Variants in HCN1 observed in about 807,000 individuals in gnomAD.
HCN1 encodes the protein hyperpolarization activated cyclic nucleotide gated potassium channel 1.
A neutral mutation model predicts 78.9 loss-of-function variants in HCN1; 13 were observed. That is an observed-to-expected ratio of 0.16 (90% CI 0.11 to 0.26). HCN1 has a LOEUF of 0.26. Ranked by LOEUF, HCN1 falls within the 10% of genes least tolerant of loss-of-function variation. The pLI is 1.00. For missense variants in HCN1, 810 were observed against 1,154.3 expected, an observed-to-expected ratio of 0.70 and a Z score of 4.32; for synonymous variants, 552 against 455.5, an observed-to-expected ratio of 1.21 and a Z score of -2.70.
At chr5:45,449,073 A>C (rs1740856158) in intron 3 of HCN1, among the ~76,000 whole-genome samples, 1 of 152,122 alleles carries the variant, frequency 6.6e-6, no homozygotes. Context: ...ACACCACTGC[A>C]CTCCAGCCTG....
At chr5:45,693,517 T>G (rs895402939) in intron 1 of HCN1, among the ~76,000 whole-genome samples, 3 of 152,166 alleles carry the variant, frequency 2.0e-5, no homozygotes, top group African/African-American at 4.8e-5. Context: ...AGCTCAGTTT[T>G]TAATCATTTC....
intron 6 of HCN1, among the ~76,000 whole-genome samples, chr5:45,267,990 A>G (rs981865097): frequency 2.6e-5 from 4 of 152,212 alleles, no homozygotes; most frequent in African/African-American, 2.4e-5. Flanking sequence ...GAATTCTGGA[A>G]GGCAGAAAGC....
At position 45,370,835 on chromosome 5, in the gene HCN1, C is replaced by G. The variant is rs937680285; in HGVS notation, c.1231-17589G>C. ...AAGATAAATATTTTTTATGTGCACA[C>G]ACTCTAAAAGAAGTAATGGCAGTAT... On this transcript the variant is annotated intron_variant, in intron 4 of 7. Coordinates refer to ENST00000303230, the MANE Select transcript of HCN1 (RefSeq NM_021072.4). 2.6e-5 allele frequency among the ~76,000 whole-genome samples: 4 copies of G among 152,040 alleles called. No homozygotes were observed. The South Asian group carries it at 6.2e-4, about 24-fold the overall frequency.
intron 6 of HCN1, among the ~76,000 whole-genome samples, chr5:45,295,168 C>T (rs780566823): frequency 3.9e-5 from 6 of 151,916 alleles, no homozygotes; most frequent in Middle Eastern, 3.2e-3. Flanking sequence ...CTCTTTATGC[C>T]CATTCACCAT....
At chr5:45,558,397 G>A (rs1403106127) in intron 2 of HCN1, 3 of 152,116 alleles carry the variant, frequency 2.0e-5, no homozygotes, top group Admixed American at 1.3e-4. Context: ...GTAAGATAAA[G>A]CAGCAGATGT....
chr5:45,568,071 C>T (rs907149030), intron 2 of HCN1, among the ~76,000 whole-genome samples: 2 of 152,012 alleles, frequency 1.3e-5, no homozygotes, highest in Non-Finnish European at 2.9e-5. Context: ...ACTCTACTCA[C>T]GTGCAGCCAG....
At chr5:45,642,330 G>C (rs1415644436) in intron 2 of HCN1, 1 of 151,910 alleles carries the variant, frequency 6.6e-6, no homozygotes, top group Non-Finnish European at 1.5e-5. Flanking sequence ...CACTAATTCA[G>C]CTTTAGTAAT....
intron 2 of HCN1, among the ~76,000 whole-genome samples, chr5:45,639,242 T>C (rs1047728830): frequency 6.6e-5 from 10 of 152,146 alleles, no homozygotes; most frequent in African/African-American, 2.2e-4. Context: ...ACATAACCAA[T>C]AGAGGACACC....
intron 5 of HCN1, among the ~76,000 whole-genome samples, chr5:45,317,432 T>G (rs954500357): frequency 6.6e-6 from 1 of 152,184 alleles, no homozygotes; most frequent in Admixed American, 6.5e-5. Context: ...ACTAAAGACT[T>G]AAATGTTAGA....
At chr5:45,403,593 C>T (rs1212286593) in intron 3 of HCN1, among the ~76,000 whole-genome samples, 1 of 152,096 alleles carries the variant, frequency 6.6e-6, no homozygotes, top group Non-Finnish European at 1.5e-5. Flanking sequence ...ATGGGGATAA[C>T]TCCCCCACCA....
chr5:45,370,430 A>T (rs1561126832), intron 4 of HCN1, among the ~76,000 whole-genome samples: 1 of 151,994 alleles, frequency 6.6e-6, no homozygotes, highest in Non-Finnish European at 1.5e-5. Context: ...TATTCAACAT[A>T]CTGTTATAGG....
chr5:45,302,718 A>T (rs912737512), intron 6 of HCN1, among the ~76,000 whole-genome samples: 1 of 151,898 alleles, frequency 6.6e-6, no homozygotes, highest in African/African-American at 2.4e-5. Flanking sequence ...TACCTCCCAG[A>T]ATTCCCACAT....
chr5:45,671,418 T>C (rs565939324), intron 1 of HCN1, among the ~76,000 whole-genome samples: 1 of 151,436 alleles, frequency 6.6e-6, no homozygotes, highest in Non-Finnish European at 1.5e-5. Context: ...ACTATATATA[T>C]ATAGCTATAG....
chr5:45,673,053 G>T (rs1346731515), intron 1 of HCN1, among the ~76,000 whole-genome samples: 1 of 151,350 alleles, frequency 6.6e-6, no homozygotes, highest in East Asian at 1.9e-4. Context: ...TTACAATTTA[G>T]TTAGCATGTC....
chr5:45,357,895 C>T (rs1436634145), intron 4 of HCN1, among the ~76,000 whole-genome samples: 2 of 152,126 alleles, frequency 1.3e-5, no homozygotes, highest in South Asian at 2.1e-4. Flanking sequence ...TGAATTCTCA[C>T]TCTGTTAGTT....
At position 45,339,597 on chromosome 5, in the gene HCN1, A is replaced by G. The variant is rs188569558; in HGVS notation, c.1377+13503T>C. Among the ~76,000 whole-genome samples, 277 of 152,298 alleles carry G rather than the reference A, an allele frequency of 1.8e-3. 1 individual carries two copies. The highest frequency in any genetic ancestry group is 6.3e-3 in the African/African-American group (261 of 41,572). On this transcript the variant is annotated intron_variant, in intron 5 of 7. Transcript: ENST00000303230. ...AAGAGGTCATGAGCAGGTTCTAAGA[A>G]GAAAGTTACATTGTCAAATTTGGGT...
chr5:45,680,741 C>T (rs1739687119), intron 1 of HCN1, among the ~76,000 whole-genome samples: 1 of 151,990 alleles, frequency 6.6e-6, no homozygotes, highest in Non-Finnish European at 1.5e-5. Context: ...CCTTTTTCCC[C>T]TTCCTTTTTA....
intron 1 of HCN1, among the ~76,000 whole-genome samples, chr5:45,686,869 G>A (rs1380049825): frequency 6.6e-6 from 1 of 151,996 alleles, no homozygotes; most frequent in Non-Finnish European, 1.5e-5. Context: ...AGTACTCCTG[G>A]GACTTCAGGT....
rs796987142 is a variant in HCN1, at chr5:45,336,795, CAG to C, written c.1377+16303_1377+16304del. Among the ~76,000 whole-genome samples, 27 of 152,094 alleles carry C rather than the reference CAG, an allele frequency of 1.8e-4. 1 individual carries two copies. Among genetic ancestry groups the C allele is most frequent in the African/African-American group, 6.5e-4 (27 of 41,510 alleles). On this transcript the variant is annotated intron_variant, in intron 5 of 7. Transcript: ENST00000303230. Reference sequence around the variant, plus strand: ...GAGGGGCCACTTCCTGGTTCATAGACAGTGAGCTTTTTGCTGTGTTCTCCTCA... The same window carrying C: ...GAGGGGCCACTTCCTGGTTCATAGACTGAGCTTTTTGCTGTGTTCTCCTCA...
Sources: gnomAD v4.1 joint callset for allele counts (sites outside exome capture counted in the v4.1 genomes callset) on GRCh38, gnomAD v4.1.1 for gene constraint, MANE v1.5 for transcripts, NCBI Gene and HGNC (gene_info 2026-07-23, HGNC 2026-07-21) for gene names.